GHR: variants seen among roughly 807,000 people sequenced by gnomAD.
GHR encodes the protein growth hormone receptor, also known as GH receptor.
A neutral mutation model predicts 67.1 loss-of-function variants in GHR; 35 were observed. The observed-to-expected ratio is 0.52, with a 90% CI of 0.40 to 0.69. GHR has a LOEUF of 0.69. Among genes scored for constraint, GHR ranks in the 30% least tolerant of loss-of-function variants. The pLI, the probability that GHR is intolerant of heterozygous loss-of-function variation, is 0.00. For synonymous variants in GHR, 272 were observed against 269.1 expected (o/e 1.01, Z -0.10); for missense variants, 792 against 764.6 (o/e 1.04, Z -0.42).
intron 2 of GHR, among the ~76,000 whole-genome samples, chr5:42,613,627 A>C (rs539911582): frequency 2.8e-4 from 43 of 152,248 alleles, no homozygotes; most frequent in Middle Eastern, 6.8e-3. Flanking sequence ...TGTTGACATA[A>C]AAGAGGCTTA....
intron 1 of GHR, among the ~76,000 whole-genome samples, chr5:42,473,876 A>G (rs1233144516): frequency 2.0e-5 from 3 of 149,394 alleles, no homozygotes; most frequent in Non-Finnish European, 4.5e-5. Context: ...TTTGTCTCAA[A>G]AAAAAAAAAA....
At chr5:42,531,267 C>A (rs1165865420) in intron 1 of GHR, among the ~76,000 whole-genome samples, 3 of 147,646 alleles carry the variant, frequency 2.0e-5, no homozygotes, top group African/African-American at 2.5e-5. Context: ...AGTCCATCTC[C>A]AAAAAAAAAA....
chr5:42,461,497 C>A (rs1744485675), intron 1 of GHR, among the ~76,000 whole-genome samples: 1 of 152,222 alleles, frequency 6.6e-6, no homozygotes, highest in Non-Finnish European at 1.5e-5. Context: ...GAGCCCCTTA[C>A]ATCATGACTG....
At chr5:42,557,316 A>ATC (rs1749362907) in intron 1 of GHR, among the ~76,000 whole-genome samples, 1 of 152,082 alleles carries the variant, frequency 6.6e-6, no homozygotes, top group Admixed American at 6.6e-5. Flanking sequence ...GGTCTTACAT[A>ATC]TTGTGGCTGG....
rs571857107 is a variant in GHR at position 42,688,771 on chromosome 5, G to C, written c.137-119G>C. On this transcript the variant is annotated intron_variant, in intron 3 of 9. Coordinates refer to ENST00000230882, the MANE Select transcript of GHR (RefSeq NM_000163.5). ...TGGAAGACATCGGCATTACCTCCTA[G>C]ACACGGAATACACTGGCTTCATCCC... 5 of 952,966 alleles carry C rather than the reference G, an allele frequency of 5.2e-6. No individual in the cohort carries two copies. In the Admixed American group the frequency reaches 8.5e-5, roughly 16 times the overall value. 59.0% of individuals were successfully genotyped at this position (952,966 alleles called of 1,614,324 possible).
intron 1 of GHR, among the ~76,000 whole-genome samples, chr5:42,486,703 C>CG (rs1745895463): frequency 6.6e-6 from 1 of 152,024 alleles, no homozygotes; most frequent in Admixed American, 6.5e-5. Flanking sequence ...AAAAATTAAC[C>CG]GGGCGTCGTG....
At chr5:42,557,636 C>T (rs958965911) in intron 1 of GHR, among the ~76,000 whole-genome samples, 10 of 152,042 alleles carry the variant, frequency 6.6e-5, no homozygotes, top group African/African-American at 2.4e-4. Context: ...GGATTTGAAC[C>T]TAGCCCTCTG....
At chr5:42,568,017 A>G (rs1467331120) in intron 2 of GHR, among the ~76,000 whole-genome samples, 1 of 152,156 alleles carries the variant, frequency 6.6e-6, no homozygotes, top group Non-Finnish European at 1.5e-5. Flanking sequence ...AAATTTTTAA[A>G]AAGAAAAGAT....
Position 42,586,949 on chromosome 5 carries a change from A to T in GHR, c.70+21005A>T, listed in dbSNP as rs117272588. On this transcript the variant is annotated intron_variant, in intron 2 of 9. Transcript: ENST00000230882. ...AAGGGGATAGAGGGTCAAAATATTG[A>T]GCTGTTGAGAGTTGTTCAATATTTG... is the stretch of plus-strand genomic sequence containing the variant. Among the ~76,000 whole-genome samples the T allele has an allele frequency of 1.3e-4, 19 of 151,956 alleles. No individual in the cohort carries two copies. The East Asian group carries it at 3.7e-3, about 29-fold the overall frequency.
Position 42,678,605 on chromosome 5 carries a change from A to G in GHR, c.137-10285A>G, listed in dbSNP as rs113656247. On this transcript the variant is annotated intron_variant, in intron 3 of 9. Coordinates refer to ENST00000230882, the MANE Select transcript of GHR (RefSeq NM_000163.5). ...AAAAATAATTTCAGGAGTAACTTTCAGTTAGCTAGACAATACAGTTCTGTT... is the reference window on the plus strand; with the variant it reads ...AAAAATAATTTCAGGAGTAACTTTCGGTTAGCTAGACAATACAGTTCTGTT... Among the ~76,000 whole-genome samples, 227 of 152,354 alleles carry G rather than the reference A, an allele frequency of 1.5e-3. 1 individual carries two copies. Among genetic ancestry groups the G allele is most frequent in the African/African-American group, 5.0e-3 (209 of 41,590 alleles).
intron 3 of GHR, among the ~76,000 whole-genome samples, chr5:42,669,908 A>G (rs1341712289): frequency 2.0e-5 from 3 of 152,176 alleles, no homozygotes; most frequent in African/African-American, 7.2e-5. Context: ...ATAAATATGT[A>G]TGGATTGGAA....
chr5:42,561,759 C>T (rs979957259), intron 1 of GHR, among the ~76,000 whole-genome samples: 9 of 152,182 alleles, frequency 5.9e-5, no homozygotes, highest in Non-Finnish European at 1.0e-4. Context: ...TGCTGAAAAT[C>T]TTGCCATGAG....
chr5:42,668,004 G>T (rs34649476), intron 3 of GHR, among the ~76,000 whole-genome samples: 2 of 151,034 alleles, frequency 1.3e-5, no homozygotes. Flanking sequence ...TTATGTACGT[G>T]AGTTATTTCC....
chr5:42,565,818 C>A (rs753400591), intron 1 of GHR, 46 bp from the exon 2 acceptor site: 2 of 1,613,682 alleles, frequency 1.2e-6, no homozygotes, highest in Non-Finnish European at 1.7e-6. Context: ...TGATAATGGT[C>A]TGCTTTTAAT....
chr5:42,526,687 C>A (rs1747719201), intron 1 of GHR, among the ~76,000 whole-genome samples: 1 of 152,276 alleles, frequency 6.6e-6, no homozygotes, highest in South Asian at 2.1e-4. Context: ...CCATTCTCCC[C>A]AGCCTTGCTA....
chr5:42,582,629 G>A (rs573745981), intron 2 of GHR, among the ~76,000 whole-genome samples: 22 of 152,328 alleles, frequency 1.4e-4, no homozygotes, highest in African/African-American at 5.1e-4. Flanking sequence ...ACAGGGCTGA[G>A]ACATGCCTTC....
intron 3 of GHR, among the ~76,000 whole-genome samples, chr5:42,655,550 A>C (rs1755213206): frequency 6.6e-6 from 1 of 152,096 alleles, no homozygotes; most frequent in Non-Finnish European, 1.5e-5. Context: ...TAAGTCACTA[A>C]AATTTGTATT....
At chr5:42,683,602 T>A (rs1250432724) in intron 3 of GHR, among the ~76,000 whole-genome samples, 1 of 151,964 alleles carries the variant, frequency 6.6e-6, no homozygotes, top group Admixed American at 6.5e-5. Flanking sequence ...AGGGGCTGTC[T>A]GCCACAGCAC....
intron 1 of GHR, among the ~76,000 whole-genome samples, chr5:42,562,197 A>C (rs1050367658): frequency 1.3e-5 from 2 of 152,152 alleles, no homozygotes; most frequent in Non-Finnish European, 2.9e-5. Context: ...GGGCTCTGTG[A>C]AGATGATGTG....
Sources: allele counts gnomAD v4.1 joint callset (sites outside exome capture counted in the v4.1 genomes callset), GRCh38; gene constraint gnomAD v4.1.1; transcripts MANE v1.5; gene names NCBI Gene and HGNC (gene_info 2026-07-23, HGNC 2026-07-21).